Variants in MYO3B observed in about 807,000 individuals in gnomAD.
MYO3B encodes the protein myosin IIIB.
Under a neutral mutation model 174.6 loss-of-function variants are expected in MYO3B, and 156 were observed. That is an observed-to-expected ratio of 0.89 (90% CI 0.78 to 1.02). The LOEUF (loss-of-function observed/expected upper bound fraction) is 1.02. Among genes scored for constraint, MYO3B ranks in the 50% least tolerant of loss-of-function variants. MYO3B has a pLI of 0.00. For synonymous variants in MYO3B, 563 were observed against 569.1 expected (o/e 0.99, Z 0.15); for missense variants, 1,632 against 1,639.4 (o/e 1.00, Z 0.08).
intron 25 of MYO3B, among the ~76,000 whole-genome samples, chr2:170,474,743 C>CAAAAAAAAAAAAAAAAAAAAAAA: frequency 2.7e-5 from 1 of 37,580 alleles, no homozygotes; most frequent in Non-Finnish European, 5.1e-5. Flanking sequence ...AACTCCGTCT[C>CAAAAAAAAAAAAAAAAAAAAAAA]AAAAAAAAAA....
At chr2:170,500,403 A>G (rs1398418882) in intron 27 of MYO3B, among the ~76,000 whole-genome samples, 1 of 152,174 alleles carries the variant, frequency 6.6e-6, no homozygotes, top group African/African-American at 2.4e-5. Context: ...TGGGGTATGC[A>G]TCAGTTTCTC....
intron 16 of MYO3B, among the ~76,000 whole-genome samples, chr2:170,399,030 G>T (rs1369520775): frequency 5.3e-5 from 8 of 152,020 alleles, no homozygotes; most frequent in African/African-American, 1.9e-4. Flanking sequence ...CAGATCACCT[G>T]AGGTCAGGAG....
intron 7 of MYO3B, among the ~76,000 whole-genome samples, chr2:170,331,887 T>A (rs2093914227): frequency 6.6e-6 from 1 of 152,188 alleles, no homozygotes; most frequent in Non-Finnish European, 1.5e-5. Flanking sequence ...ATACGTTGAA[T>A]CTCTCCTGCC....
At chr2:170,191,610 G>A (rs1453456763) in intron 1 of MYO3B, among the ~76,000 whole-genome samples, 1 of 152,142 alleles carries the variant, frequency 6.6e-6, no homozygotes, top group African/African-American at 2.4e-5. Flanking sequence ...TGACAGGGCA[G>A]TACTGAGTTC....
intron 6 of MYO3B, among the ~76,000 whole-genome samples, chr2:170,224,007 C>G (rs924111398): frequency 1.3e-5 from 2 of 152,164 alleles, no homozygotes; most frequent in African/African-American, 4.8e-5. Flanking sequence ...TGGGACATTT[C>G]TGACCTGATG....
At chr2:170,293,809 T>C (rs951624322) in intron 7 of MYO3B, among the ~76,000 whole-genome samples, 1 of 151,824 alleles carries the variant, frequency 6.6e-6, no homozygotes, top group Non-Finnish European at 1.5e-5. Context: ...AAGAAGCCTT[T>C]TTTTTTTATA....
chr2:170,457,906 C>G (rs1321428129), intron 23 of MYO3B, among the ~76,000 whole-genome samples: 1 of 152,116 alleles, frequency 6.6e-6, no homozygotes, highest in Non-Finnish European at 1.5e-5. Context: ...AGGTGCCCAC[C>G]ACTACGCCTG....
At chr2:170,243,482 G>A (rs2093157972) in intron 7 of MYO3B, among the ~76,000 whole-genome samples, 1 of 152,204 alleles carries the variant, frequency 6.6e-6, no homozygotes, top group South Asian at 2.1e-4. Flanking sequence ...GGTTCAACTA[G>A]CAGCTCCATC....
chr2:170,343,075 A>C (rs1483939219), intron 8 of MYO3B, among the ~76,000 whole-genome samples: 2 of 108,044 alleles, frequency 1.9e-5, no homozygotes, highest in South Asian at 3.2e-4. Context: ...ACACACACAC[A>C]CACCCCTCTC....
intron 23 of MYO3B, among the ~76,000 whole-genome samples, chr2:170,444,752 A>G (rs1048800658): frequency 5.9e-5 from 9 of 152,242 alleles, no homozygotes; most frequent in African/African-American, 2.2e-4. Context: ...ACTTATTTGC[A>G]GAGTGGGAAC....
intron 3 of MYO3B, among the ~76,000 whole-genome samples, chr2:170,201,353 G>A (rs965133926): frequency 6.6e-6 from 1 of 152,202 alleles, no homozygotes; most frequent in African/African-American, 2.4e-5. Context: ...CTGAGGTCAC[G>A]TAGGTGACCC....
intron 12 of MYO3B, among the ~76,000 whole-genome samples, chr2:170,384,134 T>C (rs1210803327): frequency 6.6e-6 from 1 of 152,192 alleles, no homozygotes. Context: ...TGGCAGTGAT[T>C]GTAATAAAAA....
intron 28 of MYO3B, among the ~76,000 whole-genome samples, chr2:170,510,916 C>A (rs1440123570): frequency 6.6e-6 from 1 of 152,068 alleles, no homozygotes; most frequent in East Asian, 1.9e-4. Flanking sequence ...TTTAGTAGTT[C>A]ATTTATTTTC....
chr2:170,529,128 T>C (rs74868748), intron 30 of MYO3B, among the ~76,000 whole-genome samples: 1,942 of 152,274 alleles, frequency 0.013, 39 homozygotes, highest in African/African-American at 0.044. Flanking sequence ...ATAATGCCTC[T>C]ACTTTTTCTA....
intron 25 of MYO3B, among the ~76,000 whole-genome samples, chr2:170,469,813 T>C (rs532914279): frequency 8.5e-5 from 13 of 152,224 alleles, no homozygotes; most frequent in African/African-American, 2.6e-4. Flanking sequence ...TTTGAAAGTA[T>C]ACAATTCAGC....
intron 32 of MYO3B, 66 bp downstream of exon 32, chr2:170,544,054 G>A: frequency 1.5e-6 from 2 of 1,317,854 alleles, no homozygotes; most frequent in Non-Finnish European, 2.2e-6. Flanking sequence ...TTTTTAGTGT[G>A]TTGTTTGGGC....
intron 28 of MYO3B, among the ~76,000 whole-genome samples, chr2:170,503,165 T>C (rs1462722975): frequency 1.3e-5 from 2 of 152,236 alleles, no homozygotes; most frequent in African/African-American, 2.4e-5. Context: ...CAACATGTGT[T>C]TTAAAATTTA....
chr2:170,338,161 A>C (rs949881918), intron 8 of MYO3B: 4 of 152,240 alleles, frequency 2.6e-5, no homozygotes, highest in Admixed American at 1.3e-4. Flanking sequence ...AAGGTCTTGA[A>C]TACTAGAATG....
chr2:170,570,567 T>C (rs992673004), intron 32 of MYO3B, among the ~76,000 whole-genome samples: 6 of 152,204 alleles, frequency 3.9e-5, no homozygotes, highest in African/African-American at 1.4e-4. Context: ...GCCTGGGCTC[T>C]AGCAGACCTT....
Sources: allele counts gnomAD v4.1 joint callset (sites outside exome capture counted in the v4.1 genomes callset), GRCh38; gene constraint gnomAD v4.1.1; transcripts MANE v1.5; gene names NCBI Gene and HGNC (gene_info 2026-07-23, HGNC 2026-07-21).